Variants in ADAMTSL2 observed in about 807,000 individuals in gnomAD.
ADAMTSL2 encodes ADAMTS like 2, also known as ADAMTS-like protein 2.
In ADAMTSL2, 55 loss-of-function variants were observed where a neutral mutation model predicts 117.0. The observed-to-expected ratio is 0.47, with a 90% CI of 0.38 to 0.59. The LOEUF is 0.59. Ranked by LOEUF, ADAMTSL2 falls within the 20% of genes least tolerant of loss-of-function variation. ADAMTSL2 has a pLI of 0.00. For synonymous variants in ADAMTSL2, 572 were observed against 566.4 expected, an observed-to-expected ratio of 1.01 and a Z score of -0.14; for missense variants, 1,182 against 1,354.5, an observed-to-expected ratio of 0.87 and a Z score of 2.00.
In ADAMTSL2 at chr9:133,566,973, T is replaced by C; in HGVS notation, c.1785T>C (p.Asp595=). 1 of 1,611,014 alleles carries C rather than the reference T, an allele frequency of 6.2e-7. No homozygotes were observed. Among genetic ancestry groups the C allele is most frequent in the Non-Finnish European group, 8.5e-7 (1 of 1,179,164 alleles). ...CGTACGCCATGTGTGTCCGCTATGA[T>C]GGCGTCGAGGTGGATGACAGCTACT... ...MSAYAMCVRY[D]GVEVDDSYCD... The change falls in exon 13 of 19, where the codon GAT becomes GAC. Residue 595 remains aspartate, a synonymous_variant. Coordinates refer to ENST00000651351, the MANE Select transcript of ADAMTSL2 (RefSeq NM_014694.4).
At position 133,558,300 on chromosome 9, in the gene ADAMTSL2, G is replaced by A. The variant is rs1021983219; in HGVS notation, c.1649+2370G>A. On this transcript the variant is annotated intron_variant, in intron 11 of 18. Coordinates refer to ENST00000651351, the MANE Select transcript of ADAMTSL2 (RefSeq NM_014694.4). The surrounding 1 kb of genome is among the most constrained non-coding windows in gnomAD (Gnocchi z 4.3). ...GGAGAGATAAAGGGCAGAGGGAGGC[G>A]GCGGGGGAAACCACCAGGCCAAAAT... Among the ~76,000 whole-genome samples the A allele has an allele frequency of 2.6e-5, 4 of 152,204 alleles. No homozygotes were observed. The highest frequency in any genetic ancestry group is 6.5e-5 in the Admixed American group (1 of 15,286).
At chr9:133,550,588 C>CGG (rs1830458962) in intron 9 of ADAMTSL2, among the ~76,000 whole-genome samples, 1 of 152,112 alleles carries the variant, frequency 6.6e-6, no homozygotes, top group Non-Finnish European at 1.5e-5. Context: ...AGCACTTCCC[C>CGG]TTCCAGGATG....
At chr9:133,535,216 G>C (rs1305627050) in intron 1 of ADAMTSL2, among the ~76,000 whole-genome samples, 1 of 152,200 alleles carries the variant, frequency 6.6e-6, no homozygotes, top group Non-Finnish European at 1.5e-5. Flanking sequence ...AGCCAGTGGT[G>C]TCTGGAAGCC....
chr9:133,554,458 C>T lies in ADAMTSL2; in HGVS notation c.1041C>T (p.Ser347=), dbSNP rs764918755. Residue 347 remains serine, a synonymous_variant, in exon 10 of 19, where the codon TCC becomes TCT. Transcript: ENST00000651351. The surrounding 1 kb of genome is among the most constrained non-coding windows in gnomAD (Gnocchi z 5.2). ...CCCAGCCCATCTACTATGGCTTCTC[C>T]GAGAGCGCTGAGAGCCAGGGCCTGG... is the stretch of plus-strand genomic sequence containing the variant. The part of the protein sequence containing the change: ...SRPQPIYYGF[S]ESAESQGLDG... 1.9e-5 allele frequency: 29 copies of T among 1,557,352 alleles called. No homozygotes were observed. Among genetic ancestry groups the T allele is most frequent in the Admixed American group, 5.8e-5 (3 of 51,892 alleles).
At chr9:133,551,812 C>CTTTTTTTTTTT (rs56225051) in intron 9 of ADAMTSL2, among the ~76,000 whole-genome samples, 35 of 111,092 alleles carry the variant, frequency 3.2e-4, no homozygotes, top group South Asian at 7.4e-4. Flanking sequence ...AAAGCAGCAG[C>CTTTTTTTTTTT]TTTTTTTTTT....
Position 133,570,325 on chromosome 9 carries a change from C to T in ADAMTSL2, c.2416-6C>T, listed in dbSNP as rs1831074706. ...CGCTGACCCGCTCCCTCTGCCCCGG[C>T]CTCAGTGCAACACCACCTGCGGGCG... is the stretch of plus-strand genomic sequence containing the variant. On this transcript the variant is annotated splice_polypyrimidine_tract_variant and splice_region_variant and intron_variant, in intron 16 of 18. Coordinates refer to ENST00000651351, the MANE Select transcript of ADAMTSL2 (RefSeq NM_014694.4). 1 of 1,542,474 alleles carries T rather than the reference C, an allele frequency of 6.5e-7. No homozygotes were observed. Among genetic ancestry groups the T allele is most frequent in the Admixed American group, 2.0e-5 (1 of 51,018 alleles).
At chr9:133,561,125 C>T (rs1055309223) in intron 11 of ADAMTSL2, 73 bp from the exon 12 acceptor site, 31 of 1,333,118 alleles carry the variant, frequency 2.3e-5, no homozygotes, top group Middle Eastern at 1.8e-4. Flanking sequence ...AAAACTCCCT[C>T]GCCTGAAAAG....
intron 10 of ADAMTSL2, 47 bp from the exon 11 acceptor site, chr9:133,555,511 C>G: frequency 6.2e-7 from 1 of 1,612,244 alleles, no homozygotes; most frequent in Middle Eastern, 1.7e-4. Flanking sequence ...GCCCTTGCCC[C>G]CAGGGCTCGG....
At chr9:133,570,304 G>C (rs1422195117) in intron 16 of ADAMTSL2, 27 bp from the exon 17 acceptor site, 1 of 1,537,680 alleles carries the variant, frequency 6.5e-7, no homozygotes, top group African/African-American at 1.4e-5. Context: ...CCCTGGCGCT[G>C]ACCCGCTCCC....
At chr9:133,537,242 G>A (rs1312292461) in intron 2 of ADAMTSL2, among the ~76,000 whole-genome samples, 163 bp from the exon 3 acceptor site, 2 of 152,208 alleles carry the variant, frequency 1.3e-5, no homozygotes, top group Non-Finnish European at 2.9e-5. Context: ...GCGCCACCCA[G>A]GAGATCTGAA....
At chr9:133,572,888 G>A (rs1414817764) in intron 17 of ADAMTSL2, among the ~76,000 whole-genome samples, 27 of 152,294 alleles carry the variant, frequency 1.8e-4, no homozygotes, top group East Asian at 3.9e-4. Context: ...AGGGCTGGCC[G>A]GGAATGTGCT....
At position 133,554,593 on chromosome 9, in the gene ADAMTSL2, C is replaced by T. The variant is rs1261869854; in HGVS notation, c.1176C>T (p.Asp392=). The T allele has an allele frequency of 1.3e-6, 2 of 1,548,776 alleles. No homozygotes were observed. Among genetic ancestry groups the T allele is most frequent in the Non-Finnish European group, 1.7e-6 (2 of 1,147,314 alleles). ...GGCTGTTCGGCCACCCGGGCCTGGA[C>T]ATGGAGCTGGGCCCCAGCCAGGGCC... ...DNRLFGHPGL[D]MELGPSQGQE... is the part of the protein sequence containing the mutation. Residue 392 remains aspartate (D), a synonymous_variant, in exon 10 of 19, where the codon GAC becomes GAT. Coordinates refer to ENST00000651351, the MANE Select transcript of ADAMTSL2 (RefSeq NM_014694.4). The surrounding 1 kb of genome is among the most constrained non-coding windows in gnomAD (Gnocchi z 5.2).
chr9:133,573,516 G>T (rs3793624), intron 17 of ADAMTSL2, among the ~76,000 whole-genome samples: 68,706 of 151,366 alleles, frequency 0.45, 16,095 homozygotes, highest in Middle Eastern at 0.67. Flanking sequence ...TCCTCCTGAC[G>T]GCCAGCTAGT....
intron 11 of ADAMTSL2, among the ~76,000 whole-genome samples, chr9:133,560,859 A>G (rs1400583603): frequency 6.6e-6 from 1 of 152,164 alleles, no homozygotes; most frequent in Non-Finnish European, 1.5e-5. Context: ...TAATATTGAG[A>G]AGCCTGCGTG....
At chr9:133,542,062 C>G (rs1277495427) in intron 7 of ADAMTSL2, among the ~76,000 whole-genome samples, 1 of 152,212 alleles carries the variant, frequency 6.6e-6, no homozygotes, top group Non-Finnish European at 1.5e-5. Flanking sequence ...TGACTCTGGA[C>G]TAGAACCAGG....
rs1157920463 is a variant in ADAMTSL2 at position 133,558,412 on chromosome 9, G to A, written c.1649+2482G>A. Reference sequence around the variant, plus strand: ...TCAAAGGGGCAGCCCAGAAAGGAAAGGCTATTTTCATCTTTCCAGAAAAGC... The same window carrying A: ...TCAAAGGGGCAGCCCAGAAAGGAAAAGCTATTTTCATCTTTCCAGAAAAGC... On this transcript the variant is annotated intron_variant, in intron 11 of 18. Coordinates refer to ENST00000651351, the MANE Select transcript of ADAMTSL2 (RefSeq NM_014694.4). This position sits in a 1 kb window ranked among gnomAD's most constrained non-coding sequence, Gnocchi z 4.3. 6.6e-6 allele frequency among the ~76,000 whole-genome samples: 1 copy of A among 152,204 alleles called. No homozygotes were observed. The highest frequency in any genetic ancestry group is 1.5e-5 in the Non-Finnish European group (1 of 68,048).
rs899996792 is a variant in ADAMTSL2 at position 133,534,933 on chromosome 9, C to T, written c.-151+16C>T. The T allele has an allele frequency of 5.8e-6, 8 of 1,381,020 alleles. No individual in the cohort carries two copies. Among genetic ancestry groups the T allele is most frequent in the Non-Finnish European group, 7.5e-6 (8 of 1,062,220 alleles). The allele number at this position is 1,381,020 out of a possible 1,614,324, so 85.5% of individuals were successfully genotyped here. ...CCGAAGCCAGGTAGGCCACCTCGTCCCCGTCCCCCTCACGTTGCAGCGTCC... is the reference window on the plus strand; with the variant it reads ...CCGAAGCCAGGTAGGCCACCTCGTCTCCGTCCCCCTCACGTTGCAGCGTCC... On this transcript the variant is annotated intron_variant, in intron 1 of 18. Coordinates refer to ENST00000651351, the MANE Select transcript of ADAMTSL2 (RefSeq NM_014694.4).
At chr9:133,566,687 C>T (rs954808367) in intron 12 of ADAMTSL2, among the ~76,000 whole-genome samples, 2 of 132,304 alleles carry the variant, frequency 1.5e-5, no homozygotes, top group African/African-American at 2.8e-5. Context: ...GCCCGGACTC[C>T]GTGACATGGG....
intron 17 of ADAMTSL2, among the ~76,000 whole-genome samples, chr9:133,571,993 C>T (rs371950429): frequency 4.6e-5 from 7 of 152,122 alleles, no homozygotes; most frequent in African/African-American, 1.7e-4. Flanking sequence ...GTTGCTGTGG[C>T]GGGTGGATGC....
Sources: gnomAD v4.1 joint callset for allele counts (sites outside exome capture counted in the v4.1 genomes callset) on GRCh38, gnomAD v4.1.1 for gene constraint, Gnocchi (gnomAD v3.1) non-coding constraint, MANE v1.5 for transcripts, NCBI Gene and HGNC (gene_info 2026-07-23, HGNC 2026-07-21) for gene names.